The following GMDS variants were observed in gnomAD, a reference collection of about 807,000 sequenced individuals.
GMDS encodes GDP-mannose 4,6 dehydratase.
Under a neutral mutation model 49.9 loss-of-function variants are expected in GMDS, and 20 were observed. That is an observed-to-expected ratio of 0.40 (90% CI 0.28 to 0.58). The LOEUF is 0.58. Ranked by LOEUF, GMDS falls within the 20% of genes least tolerant of loss-of-function variation. The pLI is 0.42. For missense variants in GMDS, 362 were observed against 481.4 expected (o/e 0.75, Z 2.32); for synonymous variants, 177 against 178.6 (o/e 0.99, Z 0.07).
chr6:1,960,076 T>A, intron 5 of GMDS, 105 bp from the exon 6 acceptor site: 1 of 575,416 alleles, frequency 1.7e-6, no homozygotes, highest in Non-Finnish European at 3.1e-6. Flanking sequence ...TTGTAATGCA[T>A]CCAAATACAA....
At chr6:2,156,631 T>C (rs954440010) in intron 1 of GMDS, among the ~76,000 whole-genome samples, 19 of 152,146 alleles carry the variant, frequency 1.2e-4, no homozygotes, top group African/African-American at 4.6e-4. Context: ...AATTTCAAAA[T>C]ATGACCAACA....
intron 7 of GMDS, among the ~76,000 whole-genome samples, chr6:1,839,219 A>C (rs1384069019): frequency 6.6e-6 from 1 of 152,004 alleles, no homozygotes; most frequent in Non-Finnish European, 1.5e-5. Flanking sequence ...GAGGGCATTT[A>C]TTTTTAAACA....
chr6:2,121,890 C>G (rs901815716), intron 2 of GMDS, among the ~76,000 whole-genome samples: 1 of 152,186 alleles, frequency 6.6e-6, no homozygotes, highest in African/African-American at 2.4e-5. Context: ...CCTCTCCACA[C>G]TGCCCATGCT....
intron 7 of GMDS, among the ~76,000 whole-genome samples, chr6:1,876,601 C>T (rs1028744322): frequency 6.6e-6 from 1 of 152,066 alleles, no homozygotes; most frequent in Non-Finnish European, 1.5e-5. Context: ...TCTTTATCTC[C>T]CTCACTTCAA....
intron 4 of GMDS, among the ~76,000 whole-genome samples, chr6:2,101,050 G>T (rs997293837): frequency 7.0e-6 from 1 of 142,614 alleles, no homozygotes; most frequent in Non-Finnish European, 1.6e-5. Flanking sequence ...ACATTACTGA[G>T]ATTTTTTTTT....
chr6:1,834,957 A>G (rs1756855886), intron 7 of GMDS, among the ~76,000 whole-genome samples: 1 of 152,186 alleles, frequency 6.6e-6, no homozygotes, highest in African/African-American at 2.4e-5. Context: ...AGTTTCACGG[A>G]GAATGTTCTT....
chr6:1,743,829 T>C (rs535127128), intron 7 of GMDS, among the ~76,000 whole-genome samples: 2 of 116,170 alleles, frequency 1.7e-5, no homozygotes, highest in East Asian at 4.2e-4. Context: ...TCAAAAAAGG[T>C]TGAAGCAAAA....
chr6:1,894,156 C>T (rs948111361), intron 7 of GMDS, among the ~76,000 whole-genome samples: 2 of 152,198 alleles, frequency 1.3e-5, no homozygotes, highest in African/African-American at 4.8e-5. Flanking sequence ...AATGAAATCA[C>T]GACCTATCAT....
chr6:1,856,484 G>A (rs1436860954), intron 7 of GMDS, among the ~76,000 whole-genome samples: 2 of 152,222 alleles, frequency 1.3e-5, no homozygotes, highest in Non-Finnish European at 2.9e-5. Flanking sequence ...TAGCTCTTCA[G>A]ATGGCTGAGA....
At chr6:2,132,633 T>C (rs537775280) in intron 1 of GMDS, among the ~76,000 whole-genome samples, 4 of 152,160 alleles carry the variant, frequency 2.6e-5, no homozygotes, top group Admixed American at 6.6e-5. Flanking sequence ...AGAAAAGCTA[T>C]GAAATACTAC....
chr6:1,629,936 T>A lies in GMDS; in HGVS notation c.988-5396A>T, dbSNP rs80083589. ...CAGTAGAGCTTTCGTGGAAAGTAAA[T>A]GAGAACGTGGTCTTCATTATATGCC... is the stretch of plus-strand genomic sequence containing the variant. On this transcript the variant is annotated intron_variant, in intron 9 of 10. Transcript: ENST00000380815. Among the ~76,000 whole-genome samples, 419 of 152,246 alleles carry A rather than the reference T, an allele frequency of 2.8e-3. 1 individual carries two copies. The highest frequency in any genetic ancestry group is 9.7e-3 in the African/African-American group (405 of 41,552).
chr6:1,652,776 T>C, intron 9 of GMDS, among the ~76,000 whole-genome samples: 1 of 108,308 alleles, frequency 9.2e-6, no homozygotes, highest in South Asian at 2.9e-4. Context: ...ACAGACACCT[T>C]AATAAACTGG....
chr6:1,774,927 T>A (rs1474394824), intron 7 of GMDS, among the ~76,000 whole-genome samples: 1 of 152,180 alleles, frequency 6.6e-6, no homozygotes, highest in Non-Finnish European at 1.5e-5. Flanking sequence ...GCGAGGAATG[T>A]CCATTCCAGG....
intron 4 of GMDS, among the ~76,000 whole-genome samples, chr6:1,998,909 C>T (rs952755022): frequency 4.6e-5 from 7 of 151,744 alleles, no homozygotes; most frequent in African/African-American, 1.7e-4. Context: ...AGAAATTATA[C>T]AACCAATGCA....
chr6:2,052,309 T>A (rs1174659705), intron 4 of GMDS, among the ~76,000 whole-genome samples: 1 of 152,120 alleles, frequency 6.6e-6, no homozygotes, highest in Non-Finnish European at 1.5e-5. Context: ...TTACAAAGTA[T>A]CTTTCTTTAC....
intron 6 of GMDS, among the ~76,000 whole-genome samples, chr6:1,936,616 G>A (rs1179275987): frequency 6.6e-6 from 1 of 152,012 alleles, no homozygotes; most frequent in Non-Finnish European, 1.5e-5. Flanking sequence ...AGCACCACAC[G>A]CCACACCACA....
intron 7 of GMDS, among the ~76,000 whole-genome samples, chr6:1,911,056 G>A (rs1761026070): frequency 6.6e-6 from 1 of 152,212 alleles, no homozygotes; most frequent in Non-Finnish European, 1.5e-5. Flanking sequence ...GGGAAAGATG[G>A]AGGGGCTAGT....
intron 9 of GMDS, among the ~76,000 whole-genome samples, chr6:1,725,124 A>G (rs1581511346): frequency 4.0e-5 from 2 of 50,048 alleles, no homozygotes; most frequent in South Asian, 2.4e-3. Flanking sequence ...CACAGGGAAA[A>G]TGGTTTCAAA....
chr6:1,845,790 C>T (rs915650662), intron 7 of GMDS, among the ~76,000 whole-genome samples: 4 of 152,138 alleles, frequency 2.6e-5, no homozygotes, highest in Non-Finnish European at 5.9e-5. Flanking sequence ...GAATCTAATG[C>T]TACCACTGAT....
Sources: gnomAD v4.1 joint callset for allele counts (sites outside exome capture counted in the v4.1 genomes callset) on GRCh38, gnomAD v4.1.1 for gene constraint, MANE v1.5 for transcripts, NCBI Gene and HGNC (gene_info 2026-07-23, HGNC 2026-07-21) for gene names.